The following SCHIP1 variants were observed in gnomAD, a reference collection of about 807,000 sequenced individuals.
The protein encoded by SCHIP1 is schwannomin-interacting protein 1.
A neutral mutation model predicts 29.7 loss-of-function variants in SCHIP1; 8 were observed. The ratio of observed to expected loss-of-function variants is 0.27; its 90% CI spans 0.16 to 0.49. The LOEUF (loss-of-function observed/expected upper bound fraction) is 0.49. Among genes scored for constraint, SCHIP1 ranks in the 20% least tolerant of loss-of-function variants. The probability of loss-of-function intolerance (pLI) is 0.99; values close to 1 mark genes in which losing one functional copy is unlikely to be tolerated. For missense variants in SCHIP1, 193 were observed against 294.6 expected, an observed-to-expected ratio of 0.66 and a Z score of 2.52; for synonymous variants, 76 against 94.9, an observed-to-expected ratio of 0.80 and a Z score of 1.16.
chr3:159,789,529 A>G, the SCHIP1 span, among the ~76,000 whole-genome samples: 5 of 152,168 alleles, frequency 3.3e-5, no homozygotes, highest in African/African-American at 1.2e-4. Flanking sequence ...GTGGCTCTCA[A>G]ACTTGAGCAG....
chr3:159,614,943 C>T, the SCHIP1 span, among the ~76,000 whole-genome samples: 5 of 152,232 alleles, frequency 3.3e-5, no homozygotes, highest in East Asian at 3.9e-4. Context: ...CCAGGAGATT[C>T]GGACAGGAAG....
At chr3:159,649,610 C>A in the SCHIP1 span, among the ~76,000 whole-genome samples, 1 of 152,026 alleles carries the variant, frequency 6.6e-6, no homozygotes, top group Non-Finnish European at 1.5e-5. Flanking sequence ...AGAATCAAAT[C>A]TGTAAAATTT....
At chr3:159,552,195 G>A in the SCHIP1 span, among the ~76,000 whole-genome samples, 53 of 151,842 alleles carry the variant, frequency 3.5e-4, no homozygotes, top group Middle Eastern at 3.4e-3. Context: ...ACAGGTGCAC[G>A]CCACCACGTC....
the SCHIP1 span, among the ~76,000 whole-genome samples, chr3:159,673,399 T>A: frequency 8.7e-4 from 133 of 152,374 alleles, no homozygotes; most frequent in Non-Finnish European, 1.6e-3. Context: ...TTCTTGATAC[T>A]GCTATAGACT....
chr3:159,878,156 C>A lies in SCHIP1; in HGVS notation c.150-8051C>A, dbSNP rs74285269. Among the ~76,000 whole-genome samples the A allele has an allele frequency of 0.011, 1,733 of 152,304 alleles. 92 individuals are homozygous for A. The South Asian group carries it at 0.17, about 15-fold the overall frequency. On this transcript the variant is annotated intron_variant, in intron 2 of 6. Transcript: ENST00000445224. ...AACACACAAATGCTAATCATCAACT[C>A]GGTCATGTTCTTTCCTTTTCTTTTT... is the stretch of plus-strand genomic sequence containing the variant.
At chr3:159,439,447 C>G in the SCHIP1 span, among the ~76,000 whole-genome samples, 1 of 152,118 alleles carries the variant, frequency 6.6e-6, no homozygotes, top group Non-Finnish European at 1.5e-5. Context: ...AACTCACTCA[C>G]TATCACAAAA....
chr3:159,656,306 G>A, the SCHIP1 span, among the ~76,000 whole-genome samples: 17 of 152,118 alleles, frequency 1.1e-4, no homozygotes, highest in Non-Finnish European at 2.4e-4. Context: ...GTTCAATAAA[G>A]GTTGACATTT....
the SCHIP1 span, among the ~76,000 whole-genome samples, chr3:159,596,050 C>G: frequency 6.6e-6 from 1 of 152,038 alleles, no homozygotes; most frequent in African/African-American, 2.4e-5. Context: ...TACAATCTAC[C>G]CATCTGACAA....
At chr3:159,304,392 A>C in the SCHIP1 span, among the ~76,000 whole-genome samples, 1 of 152,180 alleles carries the variant, frequency 6.6e-6, no homozygotes, top group African/African-American at 2.4e-5. Flanking sequence ...CGTGTTGGGT[A>C]TCTATCCTGG....
chr3:159,303,956 C>T, the SCHIP1 span, among the ~76,000 whole-genome samples: 1 of 151,894 alleles, frequency 6.6e-6, no homozygotes, highest in Non-Finnish European at 1.5e-5. Flanking sequence ...TGTTGCGCTG[C>T]ACCCACTAAC....
At chr3:159,351,426 A>G in the SCHIP1 span, among the ~76,000 whole-genome samples, 1 of 152,298 alleles carries the variant, frequency 6.6e-6, no homozygotes, top group Middle Eastern at 3.4e-3. Flanking sequence ...AATCCAACAC[A>G]TAATTACTTA....
the SCHIP1 span, among the ~76,000 whole-genome samples, chr3:159,412,304 T>C: frequency 6.6e-6 from 1 of 152,258 alleles, no homozygotes; most frequent in African/African-American, 2.4e-5. Flanking sequence ...ACTGCATCTT[T>C]TGTTATGAGG....
chr3:159,573,313 G>A, the SCHIP1 span, among the ~76,000 whole-genome samples: 1 of 152,162 alleles, frequency 6.6e-6, no homozygotes, highest in African/African-American at 2.4e-5. Flanking sequence ...GCCTGGTGAT[G>A]GCAAAATCTC....
chr3:159,445,365 A>G, the SCHIP1 span, among the ~76,000 whole-genome samples: 2 of 151,500 alleles, frequency 1.3e-5, no homozygotes, highest in African/African-American at 2.4e-5. Context: ...ATCATTAAAA[A>G]GTCAGGAAAC....
chr3:159,332,730 A>G, the SCHIP1 span, among the ~76,000 whole-genome samples: 7 of 152,204 alleles, frequency 4.6e-5, no homozygotes, highest in African/African-American at 1.7e-4. Flanking sequence ...ATGAGTATCC[A>G]TCAGTTTGAC....
the SCHIP1 span, among the ~76,000 whole-genome samples, chr3:159,537,624 G>T: frequency 6.6e-6 from 1 of 151,972 alleles, no homozygotes; most frequent in African/African-American, 2.4e-5. Context: ...TAAACTTTCT[G>T]GTCTGAATAA....
At chr3:159,662,591 G>A in the SCHIP1 span, among the ~76,000 whole-genome samples, 3 of 152,052 alleles carry the variant, frequency 2.0e-5, no homozygotes, top group South Asian at 2.1e-4. Flanking sequence ...TGTCTTCTGT[G>A]TGTATGCTTT....
chr3:159,552,056 T>G, the SCHIP1 span, among the ~76,000 whole-genome samples: 2 of 139,504 alleles, frequency 1.4e-5, no homozygotes, highest in African/African-American at 5.9e-5. Context: ...TTTTTTTTTT[T>G]GAAACAGAGT....
intron 2 of SCHIP1, among the ~76,000 whole-genome samples, chr3:159,884,337 GTGTGTC>G (rs1199105400): frequency 7.0e-6 from 1 of 142,154 alleles, no homozygotes; most frequent in Non-Finnish European, 1.5e-5. Flanking sequence ...AAATATATAT[GTGTGTC>G]TGTGTCTGTG....
Sources: gnomAD v4.1 joint callset for allele counts (sites outside exome capture counted in the v4.1 genomes callset) on GRCh38, gnomAD v4.1.1 for gene constraint, MANE v1.5 for transcripts, NCBI Gene and HGNC (gene_info 2026-07-23, HGNC 2026-07-21) for gene names.